The following RUFY3 variants were observed in gnomAD, a reference collection of about 807,000 sequenced individuals.
The protein encoded by RUFY3 is protein RUFY3.
In RUFY3, 34 loss-of-function variants were observed where a neutral mutation model predicts 84.0. The ratio of observed to expected loss-of-function variants is 0.40; its 90% confidence interval spans 0.31 to 0.54. The LOEUF is 0.54. Ranked by LOEUF, RUFY3 falls within the 20% of genes least tolerant of loss-of-function variation. The probability of loss-of-function intolerance (pLI) is 0.39; values close to 1 mark genes in which losing one functional copy is unlikely to be tolerated. For missense variants in RUFY3, 507 were observed against 736.8 expected (o/e 0.69, Z 3.61); for synonymous variants, 242 against 252.9 (o/e 0.96, Z 0.41).
At chr4:70,797,569 G>T (rs988840381) in intron 14 of RUFY3, among the ~76,000 whole-genome samples, 2 of 152,132 alleles carry the variant, frequency 1.3e-5, no homozygotes, top group African/African-American at 4.8e-5. Flanking sequence ...TCTAGGCCAG[G>T]CACGGTGGCT....
chr4:70,784,341 G>T (rs746607243), intron 9 of RUFY3, among the ~76,000 whole-genome samples: 3 of 152,082 alleles, frequency 2.0e-5, no homozygotes, highest in Non-Finnish European at 4.4e-5. Context: ...AAATTAGCCG[G>T]GCGTGGTGGC....
At chr4:70,714,680 G>A (rs578187661) in intron 1 of RUFY3, among the ~76,000 whole-genome samples, 14 of 152,190 alleles carry the variant, frequency 9.2e-5, no homozygotes, top group Non-Finnish European at 2.9e-5. Context: ...TGAGAGTCTG[G>A]TATTTGGTAG....
chr4:70,778,491 G>T, intron 8 of RUFY3, 53 bp downstream of exon 8: 1 of 920,484 alleles, frequency 1.1e-6, no homozygotes, highest in Non-Finnish European at 1.7e-6. Flanking sequence ...TGCATTAGTA[G>T]AACCAATAAT....
At chr4:70,737,781 C>G (rs1720595749) in intron 1 of RUFY3, among the ~76,000 whole-genome samples, 1 of 147,262 alleles carries the variant, frequency 6.8e-6, no homozygotes, top group Non-Finnish European at 1.5e-5. Flanking sequence ...TCAAGCAATT[C>G]TCCTGCCTCA....
Position 70,789,499 on chromosome 4 carries a change from C to A in RUFY3, c.1244C>A (p.Ser415Ter). ...TATCGTTATTTTCCATAACAGAGTT[C>A]AGACTTAGGAGTAAAACAGAAAAGT... ...KHELAFKLQS[S>*]DLGVKQKSEL... Residue 415 changes from serine to a stop codon, truncating the protein, a stop_gained, in exon 12 of 18, where the codon TCA (serine) becomes TAA (stop). Transcript: ENST00000381006. LOFTEE classifies it high-confidence loss of function. 1.2e-6 allele frequency: 2 copies of A among 1,610,746 alleles called. No individual in the cohort carries two copies. Among genetic ancestry groups the A allele is most frequent in the South Asian group, 2.2e-5 (2 of 90,466 alleles).
intron 4 of RUFY3, among the ~76,000 whole-genome samples, chr4:70,765,012 C>T (rs1007251168): frequency 2.0e-5 from 3 of 151,744 alleles, no homozygotes; most frequent in Admixed American, 1.3e-4. Context: ...ATGTCGAAAC[C>T]CTATCTCTAC....
intron 1 of RUFY3, among the ~76,000 whole-genome samples, chr4:70,757,521 T>C (rs1405833511): frequency 6.6e-6 from 1 of 151,924 alleles, no homozygotes; most frequent in Non-Finnish European, 1.5e-5. Flanking sequence ...GGAAAATCAC[T>C]TGAACCCAGG....
chr4:70,731,120 C>T (rs939233519), intron 1 of RUFY3, among the ~76,000 whole-genome samples: 5 of 151,846 alleles, frequency 3.3e-5, no homozygotes, highest in African/African-American at 1.2e-4. Context: ...TCACTGCAAC[C>T]TCCGCCTCCT....
intron 8 of RUFY3, among the ~76,000 whole-genome samples, chr4:70,781,167 A>G (rs1209563444): frequency 6.6e-6 from 1 of 152,158 alleles, no homozygotes; most frequent in African/African-American, 2.4e-5. Context: ...CAAACTAAGA[A>G]GAATTAAGCA....
intron 10 of RUFY3, among the ~76,000 whole-genome samples, chr4:70,787,191 T>A (rs200930232): frequency 0.017 from 1,706 of 99,746 alleles, 51 homozygotes; most frequent in African/African-American, 0.06. Flanking sequence ...AAAAAAAATA[T>A]ATATATATAT....
intron 1 of RUFY3, among the ~76,000 whole-genome samples, chr4:70,730,380 C>T (rs1347917709): frequency 1.3e-5 from 2 of 152,020 alleles, no homozygotes; most frequent in Non-Finnish European, 2.9e-5. Flanking sequence ...AAAATGTATT[C>T]TCTCATTTAA....
chr4:70,746,554 C>T (rs1722263256), intron 1 of RUFY3, among the ~76,000 whole-genome samples: 1 of 150,392 alleles, frequency 6.6e-6, no homozygotes, highest in Non-Finnish European at 1.5e-5. Context: ...ATAATAATTG[C>T]AGTAGCTAAC....
rs190157323 is a variant in RUFY3, at chr4:70,722,007, C to T, written c.-567C>T. On this transcript the variant is annotated 5_prime_UTR_variant, in exon 1 of 18. Transcript: ENST00000381006. ...TTTGGTCAACACCCTGCTTACTGCG[C>T]ACGGCCAATCCTATGAGAACTCAGC... The T allele has an allele frequency of 4.1e-6, 5 of 1,232,188 alleles. No homozygotes were observed. The Admixed American group carries it at 2.1e-4, about 52-fold the overall frequency. 76.3% of individuals were successfully genotyped at this position (1,232,188 alleles called of 1,614,324 possible).
chr4:70,804,889 C>T (rs1167676915), intron 17 of RUFY3, among the ~76,000 whole-genome samples: 1 of 152,048 alleles, frequency 6.6e-6, no homozygotes, highest in Non-Finnish European at 1.5e-5. Context: ...CACACCATTG[C>T]ACTCCAGCCT....
chr4:70,792,479 A>T (rs998209928), intron 12 of RUFY3: 12 of 985,180 alleles, frequency 1.2e-5, no homozygotes, highest in African/African-American at 3.5e-5. Flanking sequence ...CTAGGCTTTA[A>T]CATTGTAAAT....
At chr4:70,787,188 AT>A (rs1284895325) in intron 10 of RUFY3, among the ~76,000 whole-genome samples, 5,352 of 60,848 alleles carry the variant, frequency 0.088, 194 homozygotes, top group African/African-American at 0.17. Flanking sequence ...AAAAAAAAAA[AT>A]ATATATATAT....
intron 17 of RUFY3, among the ~76,000 whole-genome samples, chr4:70,805,706 A>G (rs1301809748): frequency 1.3e-5 from 2 of 152,224 alleles, no homozygotes; most frequent in Non-Finnish European, 2.9e-5. Context: ...AAGCCATGCA[A>G]TATTAGCTTC....
upstream of RUFY3, chr4:70,704,748 G>T: frequency 5.5e-6 from 2 of 365,514 alleles, no homozygotes; most frequent in South Asian, 1.3e-4. Context: ...CAGCTGGCTT[G>T]GACCCTGGCG....
chr4:70,748,522 C>G (rs1219343123), intron 1 of RUFY3, among the ~76,000 whole-genome samples: 1 of 152,136 alleles, frequency 6.6e-6, no homozygotes, highest in African/African-American at 2.4e-5. Flanking sequence ...TGGTTTTTGT[C>G]AGGTCTGAGG....
Sources: allele counts gnomAD v4.1 joint callset (sites outside exome capture counted in the v4.1 genomes callset), GRCh38; gene constraint gnomAD v4.1.1; transcripts MANE v1.5; gene names NCBI Gene and HGNC (gene_info 2026-07-23, HGNC 2026-07-21).